ERICH6B: variants seen among roughly 807,000 people sequenced by gnomAD.
ERICH6B encodes the protein glutamate rich 6B.
ERICH6B carries 69 observed loss-of-function variants against 80.0 expected under a neutral mutation model. The observed-to-expected ratio is 0.86, with a 90% CI of 0.71 to 1.05. ERICH6B has a LOEUF of 1.05. ERICH6B is among the 50% of genes least tolerant of loss of function. The pLI is 0.00. For missense variants in ERICH6B, 754 were observed against 796.1 expected (o/e 0.95, Z 0.64); for synonymous variants, 283 against 291.9 (o/e 0.97, Z 0.31).
chr13:45,576,283 G>A (rs1291301595), intron 7 of ERICH6B, among the ~76,000 whole-genome samples: 1 of 152,110 alleles, frequency 6.6e-6, no homozygotes, highest in East Asian at 1.9e-4. Flanking sequence ...CGTATGAGGT[G>A]GGCCCCATGC....
At chr13:45,551,894 T>C (rs991659443) in intron 11 of ERICH6B, among the ~76,000 whole-genome samples, 3 of 152,186 alleles carry the variant, frequency 2.0e-5, no homozygotes, top group Non-Finnish European at 4.4e-5. Context: ...GCTTGGACTT[T>C]CCAGCCTTTG....
chr13:45,599,253 G>A lies in ERICH6B; in HGVS notation c.-58-2190C>T, dbSNP rs140488345. On this transcript the variant is annotated intron_variant, in intron 2 of 14. Transcript: ENST00000298738. ...CAGTGGCTGAGGGTAGGGAGTAACC[G>A]GATCTGCCTGGGGCAGGGAAAGTTG... Among the ~76,000 whole-genome samples the A allele has an allele frequency of 5.4e-3, 824 of 152,300 alleles. 10 individuals carry two copies. Among genetic ancestry groups the A allele is most frequent in the African/African-American group, 0.018 (746 of 41,546 alleles).
Position 45,596,413 on chromosome 13 carries a change from T to C in ERICH6B, c.593A>G (p.Glu198Gly). The change falls in exon 3 of 15, where the codon GAG (glutamate) becomes GGG (glycine). Residue 198 changes from glutamate (E) to glycine (G), a missense_variant. Physicochemically the swap from Glu to Gly is moderately conservative, Grantham distance 98. Coordinates refer to ENST00000298738, the MANE Select transcript of ERICH6B (RefSeq NM_182542.3). ...LEEEEALEKE[E>G]NLDGKENLYK... ...CAGATTTTCTTTTCCATCCAGATTC[T>C]CTTCCTTCTCCAGAGCTTCTTCCTC... is the stretch of plus-strand genomic sequence containing the variant. 6.4e-7 allele frequency: 1 copy of C among 1,551,826 alleles called. No homozygotes were observed. The highest frequency in any genetic ancestry group is 8.7e-7 in the Non-Finnish European group (1 of 1,147,006).
intron 3 of ERICH6B, among the ~76,000 whole-genome samples, chr13:45,591,349 C>G (rs1876147250): frequency 6.6e-6 from 1 of 152,202 alleles, no homozygotes; most frequent in Admixed American, 6.5e-5. Flanking sequence ...GTAATCCCAG[C>G]ACTGTGGGAG....
At chr13:45,575,606 C>T (rs562363898) in intron 7 of ERICH6B, among the ~76,000 whole-genome samples, 18 of 152,240 alleles carry the variant, frequency 1.2e-4, no homozygotes, top group Admixed American at 4.6e-4. Flanking sequence ...CCAGGCTTGT[C>T]AAAATTTGCC....
Position 45,541,390 on chromosome 13 carries a change from G to A in ERICH6B, c.*72C>T. 7.3e-7 allele frequency: 1 copy of A among 1,364,432 alleles called. No individual in the cohort carries two copies. The highest frequency in any genetic ancestry group is 1.0e-6 in the Non-Finnish European group (1 of 992,990). The allele number at this position is 1,364,432 out of a possible 1,614,324, so 84.5% of individuals were successfully genotyped here. On this transcript the variant is annotated 3_prime_UTR_variant, in exon 15 of 15. Coordinates refer to ENST00000298738, the MANE Select transcript of ERICH6B (RefSeq NM_182542.3). ...TCATAAAAGGTCAACAGGTCTTTGG[G>A]TTTTTTTTCCCTGGAGCTCCCAAGG...
intron 2 of ERICH6B, among the ~76,000 whole-genome samples, chr13:45,599,316 G>C (rs989731493): frequency 6.6e-6 from 1 of 152,176 alleles, no homozygotes; most frequent in African/African-American, 2.4e-5. Context: ...AGCAGTAAAG[G>C]GGGAGCCTGT....
intron 11 of ERICH6B, among the ~76,000 whole-genome samples, chr13:45,553,470 A>G (rs868084822): frequency 3.3e-5 from 5 of 152,216 alleles, no homozygotes; most frequent in African/African-American, 1.2e-4. Flanking sequence ...GTTTGAGAGA[A>G]AGCTGTCTGT....
At chr13:45,595,490 T>G (rs1334653337) in intron 3 of ERICH6B, among the ~76,000 whole-genome samples, 1 of 151,428 alleles carries the variant, frequency 6.6e-6, no homozygotes, top group Non-Finnish European at 1.5e-5. Context: ...ATAAAAGAGG[T>G]GTGTGTGTAT....
At chr13:45,543,122 A>G (rs1350395737) in intron 14 of ERICH6B, among the ~76,000 whole-genome samples, 1 of 151,982 alleles carries the variant, frequency 6.6e-6, no homozygotes, top group Non-Finnish European at 1.5e-5. Flanking sequence ...GGGGGTCTGT[A>G]AGTGGAGCCT....
chr13:45,596,196 CTA>C (rs781123892), intron 3 of ERICH6B, among the ~76,000 whole-genome samples, 171 bp downstream of exon 3: 11 of 152,254 alleles, frequency 7.2e-5, no homozygotes, highest in African/African-American at 1.9e-4. Flanking sequence ...CGCTCTGGCT[CTA>C]TGTCAGGTTT....
rs1487905557 is a variant in ERICH6B at position 45,587,222 on chromosome 13, C to T, written c.697G>A (p.Ala233Thr). The change falls in exon 5 of 15, where the codon GCT becomes ACT. Residue 233 changes from alanine to threonine, a missense_variant. Transcript: ENST00000298738. ...MLLRDARSPD[A>T]GPSQVTTFLT... is the part of the protein sequence containing the mutation. ...AAGGTGGTCACCTGAGAGGGGCCAG[C>T]GTCTGGACTCCTGTCAGAGGGGAGA... 44 of 1,551,410 alleles carry T rather than the reference C, an allele frequency of 2.8e-5. No homozygotes were observed. Among genetic ancestry groups the T allele is most frequent in the Non-Finnish European group, 3.5e-5 (40 of 1,146,928 alleles).
intron 11 of ERICH6B, among the ~76,000 whole-genome samples, chr13:45,552,628 C>A (rs958525837): frequency 4.0e-5 from 6 of 151,730 alleles, no homozygotes; most frequent in African/African-American, 1.5e-4. Context: ...GTTTTTCTAA[C>A]CAAGTGACCC....
At chr13:45,591,281 G>A (rs1318575417) in intron 3 of ERICH6B, among the ~76,000 whole-genome samples, 4 of 152,178 alleles carry the variant, frequency 2.6e-5, no homozygotes, top group African/African-American at 9.7e-5. Flanking sequence ...AAATATTATT[G>A]AGGAACATCC....
chr13:45,546,335 G>A (rs1331663783), intron 13 of ERICH6B, among the ~76,000 whole-genome samples: 1 of 152,202 alleles, frequency 6.6e-6, no homozygotes, highest in East Asian at 1.9e-4. Context: ...GGAATCACAT[G>A]AAGAAAGGAA....
chr13:45,605,156 A>AAGGTGTCCTCCCATCTCTAAGGG (rs1283376757), intron 2 of ERICH6B, among the ~76,000 whole-genome samples: 1 of 151,924 alleles, frequency 6.6e-6, no homozygotes. Context: ...CAACCCACTC[A>AAGGTGTCCTCCCATCTCTAAGGG]AGGTGTCCTC....
At chr13:45,606,963 G>A (rs181943668) in intron 2 of ERICH6B, among the ~76,000 whole-genome samples, 19 of 152,106 alleles carry the variant, frequency 1.2e-4, no homozygotes, top group Non-Finnish European at 2.8e-4. Context: ...GTGTTTCTGA[G>A]ACTAACTATC....
intron 8 of ERICH6B, among the ~76,000 whole-genome samples, chr13:45,569,406 G>A (rs146842394): frequency 1.3e-5 from 2 of 152,358 alleles, no homozygotes; most frequent in African/African-American, 4.8e-5. Context: ...AACTACAGGT[G>A]TGTGCCACAG....
At chr13:45,606,938 G>T (rs542105163) in intron 2 of ERICH6B, among the ~76,000 whole-genome samples, 2 of 152,100 alleles carry the variant, frequency 1.3e-5, no homozygotes, top group Non-Finnish European at 2.9e-5. Context: ...AGATCCGTAG[G>T]TTCCTTTCTA....
Sources: gnomAD v4.1 joint callset for allele counts (sites outside exome capture counted in the v4.1 genomes callset) on GRCh38, gnomAD v4.1.1 for gene constraint, MANE v1.5 for transcripts, NCBI Gene and HGNC (gene_info 2026-07-23, HGNC 2026-07-21) for gene names.